IFT140: variants seen among roughly 807,000 people sequenced by gnomAD.
IFT140 encodes intraflagellar transport protein 140 homolog.
A neutral mutation model predicts 164.6 loss-of-function variants in IFT140; 133 were observed. The ratio of observed to expected loss-of-function variants is 0.81; its 90% confidence interval spans 0.70 to 0.93. IFT140 has a LOEUF of 0.93. Among genes scored for constraint, IFT140 ranks in the 40% least tolerant of loss-of-function variants. The pLI is 0.00. For missense variants in IFT140, 2,045 were observed against 1,972.3 expected (o/e 1.04, Z -0.70); for synonymous variants, 860 against 817.3 (o/e 1.05, Z -0.89).
At chr16:1,512,419 C>T (rs2040200311) in intron 30 of IFT140, among the ~76,000 whole-genome samples, 1 of 152,060 alleles carries the variant, frequency 6.6e-6, no homozygotes. Context: ...ACAGCAGCAG[C>T]CAGGGAGCGT....
intron 18 of IFT140, among the ~76,000 whole-genome samples, chr16:1,561,779 T>C (rs2033421318): frequency 6.6e-6 from 1 of 152,182 alleles, no homozygotes; most frequent in Admixed American, 6.5e-5. Context: ...GCAAAACCAC[T>C]TCCAATTCTC....
chr16:1,562,379 A>G (rs565611576), intron 17 of IFT140, among the ~76,000 whole-genome samples: 1 of 152,246 alleles, frequency 6.6e-6, no homozygotes, highest in East Asian at 1.9e-4. Context: ...TTCTTGCAGC[A>G]AAGGCTCATC....
At chr16:1,556,797 T>G (rs1301133041) in intron 19 of IFT140, among the ~76,000 whole-genome samples, 1 of 152,132 alleles carries the variant, frequency 6.6e-6, no homozygotes, top group Non-Finnish European at 1.5e-5. Context: ...AGGCTGAAAA[T>G]AATTGTTTTT....
rs752576154 is a variant in IFT140 at position 1,520,694 on chromosome 16, C to T, written c.3568G>A (p.Glu1190Lys). Reference sequence around the variant, plus strand: ...CAGTCTGCTATCTGCTCCAGCAGCTCCCGCCGCGACTCCTCAGGCAGGTCC... The same window carrying T: ...CAGTCTGCTATCTGCTCCAGCAGCTTCCGCCGCGACTCCTCAGGCAGGTCC... ...SSDLPEESRR[E>K]LLEQIADCCM... Residue 1190 changes from glutamate (E) to lysine (K), a missense_variant, in exon 27 of 31, where the codon GAG becomes AAG. Physicochemically the swap from Glu to Lys is moderately conservative, Grantham distance 56 (BLOSUM62 1). Coordinates refer to ENST00000426508, the MANE Select transcript of IFT140 (RefSeq NM_014714.4). 1 of 1,610,626 alleles carries T rather than the reference C, an allele frequency of 6.2e-7. No homozygotes were observed. The highest frequency in any genetic ancestry group is 8.5e-7 in the Non-Finnish European group (1 of 1,179,002).
At chr16:1,525,052 C>A in intron 22 of IFT140, 136 bp from the exon 23 acceptor site, 1 of 1,355,870 alleles carries the variant, frequency 7.4e-7, no homozygotes. Flanking sequence ...AGTGAGGACC[C>A]CTGGCTTTGT....
At chr16:1,571,637 T>C in intron 13 of IFT140, 103 bp from the exon 14 acceptor site, 1 of 1,243,256 alleles carries the variant, frequency 8.0e-7, no homozygotes. Flanking sequence ...TCATGTGAGT[T>C]ACTGAACATT....
chr16:1,564,256 G>T lies in IFT140; in HGVS notation c.1902-94C>A. 1.8e-6 allele frequency: 2 copies of T among 1,136,444 alleles called. No individual in the cohort carries two copies. Among genetic ancestry groups the T allele is most frequent in the Non-Finnish European group, 2.4e-6 (2 of 828,682 alleles). 70.4% of individuals were successfully genotyped at this position (1,136,444 alleles called of 1,614,324 possible). Reference sequence around the variant, plus strand: ...CACATTCCCGAAGCCTCCAGGTGCTGTCCCAGACCATGGTGTCCACGCGCT... The same window carrying T: ...CACATTCCCGAAGCCTCCAGGTGCTTTCCCAGACCATGGTGTCCACGCGCT... On this transcript the variant is annotated intron_variant, in intron 16 of 30. Transcript: ENST00000426508. This position sits in a 1 kb window ranked among gnomAD's most constrained non-coding sequence, Gnocchi z 5.5.
intron 19 of IFT140, among the ~76,000 whole-genome samples, chr16:1,539,714 T>C (rs778594338): frequency 1.3e-5 from 2 of 152,172 alleles, no homozygotes; most frequent in Non-Finnish European, 2.9e-5. Flanking sequence ...GCGAGAAAAA[T>C]GAGCGAGGGG....
At chr16:1,558,726 G>C (rs916177720) in intron 18 of IFT140, among the ~76,000 whole-genome samples, 1 of 152,224 alleles carries the variant, frequency 6.6e-6, no homozygotes, top group East Asian at 1.9e-4. Flanking sequence ...GGCTCTGCAC[G>C]CGCTCTCTGG....
At chr16:1,554,057 A>G (rs1225987005) in intron 19 of IFT140, 1 of 1,287,192 alleles carries the variant, frequency 7.8e-7, no homozygotes, top group Admixed American at 2.3e-5. Context: ...AGAGAGGGGA[A>G]AGCATGGAAG....
chr16:1,592,885 TG>T (rs1377603326), intron 4 of IFT140, among the ~76,000 whole-genome samples: 1 of 150,986 alleles, frequency 6.6e-6, no homozygotes, highest in Non-Finnish European at 1.5e-5. Flanking sequence ...GCAGAGTGAC[TG>T]GTGGAAGGAC....
intron 19 of IFT140, among the ~76,000 whole-genome samples, chr16:1,529,509 T>G (rs2030211498): frequency 6.6e-6 from 1 of 152,198 alleles, no homozygotes; most frequent in Non-Finnish European, 1.5e-5. Flanking sequence ...AGGCGCAGCG[T>G]CCTGATCTCC....
At chr16:1,549,145 C>A (rs149768875) in intron 19 of IFT140, among the ~76,000 whole-genome samples, 218 of 152,362 alleles carry the variant, frequency 1.4e-3, no homozygotes, top group African/African-American at 5.0e-3. Context: ...GTCTCACTGG[C>A]GTCCGAGGGC....
At chr16:1,580,709 C>T in intron 13 of IFT140, 50 bp downstream of exon 13, 2 of 1,226,190 alleles carry the variant, frequency 1.6e-6, no homozygotes, top group African/African-American at 1.5e-5. Flanking sequence ...AATTGAGAGG[C>T]AGGATTTCAA....
chr16:1,534,050 G>A (rs972244156), intron 19 of IFT140: 10 of 553,592 alleles, frequency 1.8e-5, no homozygotes, highest in African/African-American at 4.0e-5. Flanking sequence ...GCCCCGAGGC[G>A]AGCAGCTTCA....
chr16:1,552,034 C>T (rs79038790), intron 19 of IFT140, among the ~76,000 whole-genome samples: 2,873 of 152,272 alleles, frequency 0.019, 105 homozygotes, highest in East Asian at 0.18. Flanking sequence ...AACCGCAGAC[C>T]GTGAGGGAGG....
intron 19 of IFT140, among the ~76,000 whole-genome samples, chr16:1,530,133 CT>C (rs922819138): frequency 0.048 from 4,239 of 88,688 alleles, 49 homozygotes; most frequent in Admixed American, 0.12. Flanking sequence ...CGACGGGAAT[CT>C]TTTTTTTTTT....
At chr16:1,597,156 C>A (rs201663419) in intron 4 of IFT140, among the ~76,000 whole-genome samples, 2 of 152,116 alleles carry the variant, frequency 1.3e-5, no homozygotes, top group Admixed American at 1.3e-4. Flanking sequence ...TCAGGGTGCG[C>A]GTCAGGTGAG....
Position 1,513,887 on chromosome 16 carries a change from A to G in IFT140, c.4183-2737T>C, listed in dbSNP as rs989392584. ...ACGGGGTTTCACCGTGTTAGCCAAG[A>G]TGGTCTCCATCTCCTGACCTCATGA... On this transcript the variant is annotated intron_variant, in intron 30 of 30. Coordinates refer to ENST00000426508, the MANE Select transcript of IFT140 (RefSeq NM_014714.4). Among the ~76,000 whole-genome samples the G allele has an allele frequency of 7.8e-5, 11 of 141,640 alleles. No individual in the cohort carries two copies. In the South Asian group the frequency reaches 1.4e-3, roughly 19 times the overall value. 92.9% of individuals were successfully genotyped at this position (141,640 alleles called of 152,430 possible).
Sources: gnomAD v4.1 joint callset for allele counts (sites outside exome capture counted in the v4.1 genomes callset) on GRCh38, gnomAD v4.1.1 for gene constraint, Gnocchi (gnomAD v3.1) non-coding constraint, MANE v1.5 for transcripts, NCBI Gene and HGNC (gene_info 2026-07-23, HGNC 2026-07-21) for gene names.